The following SLC75A1 variants were observed in gnomAD, a reference collection of about 807,000 sequenced individuals.
SLC75A1 encodes solute carrier family 75 member 1, also known as major facilitator superfamily domain containing 10.
At chr4:2,933,676 G>A in the SLC75A1 span, 7 of 1,613,278 alleles carry the variant, frequency 4.3e-6, no homozygotes, top group East Asian at 2.2e-5. Flanking sequence ...AGGGGATGAG[G>A]AATCACGATA....
chr4:2,932,870 C>G, the SLC75A1 span: 2 of 1,353,752 alleles, frequency 1.5e-6, no homozygotes, highest in Non-Finnish European at 2.0e-6. Flanking sequence ...TATTTCGAAG[C>G]ATCTGAGGGC....
At chr4:2,931,321 C>A in the SLC75A1 span, 1 of 1,545,148 alleles carries the variant, frequency 6.5e-7, no homozygotes, top group Non-Finnish European at 8.7e-7. Flanking sequence ...GGGGAGGGTG[C>A]ATCACCCAGC....
At chr4:2,930,753 G>A in the SLC75A1 span, 124 of 1,447,380 alleles carry the variant, frequency 8.6e-5, no homozygotes, top group Middle Eastern at 2.1e-4. Context: ...CTGGACTGGC[G>A]GGGGGTGGGG....
At chr4:2,932,538 A>C in the SLC75A1 span, 1 of 1,613,194 alleles carries the variant, frequency 6.2e-7, no homozygotes, top group Non-Finnish European at 8.5e-7. Context: ...CCCGAGCTGC[A>C]CAGGGAGACC....
the SLC75A1 span, chr4:2,931,875 G>C: frequency 6.2e-7 from 1 of 1,611,174 alleles, no homozygotes; most frequent in Non-Finnish European, 8.5e-7. Flanking sequence ...TGTACTCCAG[G>C]CCCGAGAACA....
chr4:2,933,982 C>A, the SLC75A1 span: 1 of 1,508,150 alleles, frequency 6.6e-7, no homozygotes, highest in South Asian at 1.2e-5. Context: ...GCGGGGAAGC[C>A]GAGTCCTCCG....
chr4:2,934,803 A>T, the SLC75A1 span: 3 of 147,604 alleles, frequency 2.0e-5, no homozygotes, highest in African/African-American at 7.5e-5. Context: ...GGACGGTCGC[A>T]CAGACGCGGA....
chr4:2,931,491 C>A, the SLC75A1 span: 1 of 1,585,906 alleles, frequency 6.3e-7, no homozygotes, highest in Non-Finnish European at 8.6e-7. Flanking sequence ...GCAGCCTCAG[C>A]ACAGCCCGTG....
the SLC75A1 span, chr4:2,933,114 G>A: frequency 6.2e-7 from 1 of 1,613,458 alleles, no homozygotes; most frequent in South Asian, 1.1e-5. Flanking sequence ...ACCAGGCACA[G>A]CAGCATCACC....
At chr4:2,933,989 T>A in the SLC75A1 span, 13 of 1,490,866 alleles carry the variant, frequency 8.7e-6, no homozygotes, top group Admixed American at 1.0e-4. Flanking sequence ...AGCCGAGTCC[T>A]CCGGGGCCTG....
the SLC75A1 span, chr4:2,932,262 A>T: frequency 2.6e-6 from 4 of 1,551,836 alleles, no homozygotes; most frequent in Admixed American, 7.8e-5. Context: ...CCTCCCTGGC[A>T]TCTGGGGCTG....
chr4:2,933,503 C>A, the SLC75A1 span: 1 of 1,538,914 alleles, frequency 6.5e-7, no homozygotes, highest in African/African-American at 1.4e-5. Flanking sequence ...GGGGCCTGGG[C>A]TGGACCACGT....
the SLC75A1 span, chr4:2,930,982 C>G: frequency 3.7e-6 from 6 of 1,612,704 alleles, no homozygotes; most frequent in Non-Finnish European, 5.1e-6. Context: ...GTCACCCAGT[C>G]CCCGAGGGGG....
the SLC75A1 span, chr4:2,931,274 G>A: frequency 6.4e-7 from 1 of 1,555,030 alleles, no homozygotes; most frequent in Non-Finnish European, 8.7e-7. Context: ...AACGGCGGCG[G>A]CTGGTGGGAG....
chr4:2,930,985 C>A, the SLC75A1 span: 2 of 1,612,648 alleles, frequency 1.2e-6, no homozygotes, highest in Non-Finnish European at 1.7e-6. Flanking sequence ...ACCCAGTCCC[C>A]GAGGGGGCTG....
chr4:2,933,795 C>T, the SLC75A1 span: 2 of 1,592,786 alleles, frequency 1.3e-6, no homozygotes, highest in Admixed American at 1.8e-5. Context: ...GCAGCAGGGG[C>T]AGCAGCAGCG....
chr4:2,933,536 G>A, the SLC75A1 span: 1 of 1,609,712 alleles, frequency 6.2e-7, no homozygotes, highest in South Asian at 1.1e-5. Flanking sequence ...GGACCGTAGA[G>A]AGCCCGCCAA....
chr4:2,931,359 G>C, the SLC75A1 span: 1 of 1,547,038 alleles, frequency 6.5e-7, no homozygotes, highest in East Asian at 2.4e-5. Context: ...TCCCCTGCCA[G>C]GGCAGGGCCA....
At chr4:2,931,301 C>T in the SLC75A1 span, 22 of 1,549,392 alleles carry the variant, frequency 1.4e-5, no homozygotes, top group Admixed American at 3.9e-5. Flanking sequence ...AGGAGGTGCC[C>T]GTCAGCCCAG....
Sources: allele counts gnomAD v4.1 joint callset, GRCh38; gene constraint gnomAD v4.1.1; transcripts MANE v1.5; gene names NCBI Gene and HGNC (gene_info 2026-07-23, HGNC 2026-07-21).